Variants in CFAP47 observed in about 807,000 individuals in gnomAD.
The protein encoded by CFAP47 is cilia- and flagella-associated protein 47.
Under a neutral mutation model 148.1 loss-of-function variants are expected in CFAP47, and 29 were observed. The ratio of observed to expected loss-of-function variants is 0.20; its 90% CI spans 0.15 to 0.27. The LOEUF (loss-of-function observed/expected upper bound fraction) is 0.27. Among genes scored for constraint, CFAP47 ranks in the 10% least tolerant of loss-of-function variants. The probability of loss-of-function intolerance (pLI) is 1.00; values close to 1 mark genes in which losing one functional copy is unlikely to be tolerated. For synonymous variants in CFAP47, 664 were observed against 577.3 expected, an observed-to-expected ratio of 1.15 and a Z score of -2.15; for missense variants, 1,872 against 1,697.5, an observed-to-expected ratio of 1.10 and a Z score of -1.81.
At chrX:36,381,947 A>G (rs1252571272) in intron 63 of CFAP47, among the ~76,000 whole-genome samples, 2 of 111,100 alleles carry the variant, frequency 1.8e-5, no homozygotes, top group African/African-American at 6.5e-5. Context: ...TGTTATAACT[A>G]GAGACATAAC....
At position 36,030,589 on chromosome X, in the gene CFAP47, G is replaced by A. The variant is rs146724187; in HGVS notation, c.3557-664G>A. Among the ~76,000 whole-genome samples the A allele has an allele frequency of 8.2e-3, 909 of 110,218 alleles. 14 individuals carry two copies. The highest frequency in any genetic ancestry group is 0.028 in the African/African-American group (857 of 30,494). Reference sequence around the variant, plus strand: ...AATTCCAGTGGCATAATAAAAACACGTGTAAGATACATACATTTTTAGGAT... The same window carrying A: ...AATTCCAGTGGCATAATAAAAACACATGTAAGATACATACATTTTTAGGAT... On this transcript the variant is annotated intron_variant, in intron 22 of 63. Transcript: ENST00000378653.
At chrX:36,122,787 C>T (rs1210965417) in intron 33 of CFAP47, among the ~76,000 whole-genome samples, 1 of 111,664 alleles carries the variant, frequency 9.0e-6, no homozygotes, top group Non-Finnish European at 1.9e-5. Flanking sequence ...CTGTGTTTCT[C>T]TGTGATTTGT....
At chrX:36,101,681 G>A (rs770636827) in intron 32 of CFAP47, among the ~76,000 whole-genome samples, 8 of 111,379 alleles carry the variant, frequency 7.2e-5, no homozygotes, top group African/African-American at 2.0e-4. Flanking sequence ...ACCATCAGGC[G>A]TCTCTAAATC....
At chrX:36,362,653 G>A (rs1453790417) in intron 61 of CFAP47, among the ~76,000 whole-genome samples, 3 of 111,841 alleles carry the variant, frequency 2.7e-5, no homozygotes, top group Admixed American at 1.9e-4. Flanking sequence ...ACGAGTCCAC[G>A]TGGCTTTTTG....
At chrX:36,226,260 A>T (rs782444764) in intron 45 of CFAP47, among the ~76,000 whole-genome samples, 22 of 111,485 alleles carry the variant, frequency 2.0e-4, no homozygotes, top group Admixed American at 1.0e-3. Flanking sequence ...TAAAGGGGAC[A>T]TGTCAAGGCA....
At chrX:36,077,200 TTTTTTTTTTTTTTTTTTTTTTTTG>T (rs1937879288) in intron 29 of CFAP47, among the ~76,000 whole-genome samples, 1 of 82,236 alleles carries the variant, frequency 1.2e-5, no homozygotes, top group Non-Finnish European at 2.3e-5. Context: ...TTTTTTTTTT[TTTTTTTTTTTTTTTTTTTTTTTTG>T]CTCAGGAGTC....
intron 33 of CFAP47, among the ~76,000 whole-genome samples, chrX:36,105,076 A>C (rs1169537193): frequency 1.8e-5 from 2 of 111,743 alleles, no homozygotes; most frequent in African/African-American, 3.2e-5. Context: ...AAAATTTCAC[A>C]TGTCATATGA....
chrX:36,350,356 G>A (rs1556017304), intron 59 of CFAP47, among the ~76,000 whole-genome samples: 3 of 111,081 alleles, frequency 2.7e-5, no homozygotes, highest in South Asian at 7.6e-4. Flanking sequence ...TGCAGATATC[G>A]GCTAAAATTA....
At chrX:36,218,157 AC>A (rs1387352857) in intron 45 of CFAP47, among the ~76,000 whole-genome samples, 4 of 112,398 alleles carry the variant, frequency 3.6e-5, no homozygotes, top group Admixed American at 1.9e-4. Flanking sequence ...TTAATACAGG[AC>A]AATTAGAGAA....
chrX:36,011,315 A>C (rs1937036327), intron 21 of CFAP47, among the ~76,000 whole-genome samples: 1 of 111,755 alleles, frequency 8.9e-6, no homozygotes, highest in Non-Finnish European at 1.9e-5. Context: ...TTTACTTACC[A>C]CTTGCACTTA....
At chrX:35,920,139 T>A in intron 1 of CFAP47, 91 bp downstream of exon 1, 1 of 1,005,274 alleles carries the variant, frequency 9.9e-7, no homozygotes, top group Non-Finnish European at 1.3e-6. Context: ...GTCATCTGGC[T>A]CCTGCCGGGA....
intron 26 of CFAP47, 77 bp from the exon 27 acceptor site, chrX:36,065,566 T>A: frequency 1.8e-6 from 1 of 544,498 alleles, no homozygotes. Context: ...ATTAAGGGCA[T>A]CTGGGATACT....
At chrX:36,249,420 GA>G (rs1231005861) in intron 48 of CFAP47, among the ~76,000 whole-genome samples, 2 of 110,031 alleles carry the variant, frequency 1.8e-5, no homozygotes, top group Non-Finnish European at 3.8e-5. Context: ...TGATAATTTG[GA>G]AAAAAACTGA....
intron 57 of CFAP47, among the ~76,000 whole-genome samples, chrX:36,320,541 A>ATTTTGTGTT (rs1941470409): frequency 1.8e-5 from 2 of 112,079 alleles, no homozygotes; most frequent in Non-Finnish European, 3.8e-5. Flanking sequence ...AATCAAAATA[A>ATTTTGTGTT]TTGCTTAATG....
At position 36,211,186 on chromosome X, in the gene CFAP47, G is replaced by A. The variant is rs186048274; in HGVS notation, c.6817+6076G>A. 6 of 246,643 alleles carry A rather than the reference G, an allele frequency of 2.4e-5. 1 individual carries two copies. The highest frequency in any genetic ancestry group is 2.3e-4 in the East Asian group (2 of 8,776). The allele number at this position is 246,643 out of a possible 1,213,427, so 20.3% of individuals were successfully genotyped here. Reference sequence around the variant, plus strand: ...TGCATTTTTTGTGCAAACTGCTCAGGAGGAGCACAAGAAGAAACAACTAGA... The same window carrying A: ...TGCATTTTTTGTGCAAACTGCTCAGAAGGAGCACAAGAAGAAACAACTAGA... On this transcript the variant is annotated intron_variant, in intron 45 of 63. Transcript: ENST00000378653.
At chrX:36,083,218 A>G (rs1000852236) in intron 29 of CFAP47, among the ~76,000 whole-genome samples, 6 of 110,469 alleles carry the variant, frequency 5.4e-5, no homozygotes, top group African/African-American at 2.0e-4. Flanking sequence ...ATAAATACAC[A>G]CACATGTGCA....
chrX:35,933,909 T>A (rs1935870020), intron 2 of CFAP47, among the ~76,000 whole-genome samples: 1 of 112,266 alleles, frequency 8.9e-6, no homozygotes, highest in Non-Finnish European at 1.9e-5. Context: ...TGCCCATTTT[T>A]AAATTTAACT....
chrX:35,984,191 ATGT>A (rs1364639385), intron 15 of CFAP47, among the ~76,000 whole-genome samples: 1 of 111,074 alleles, frequency 9.0e-6, no homozygotes, highest in Non-Finnish European at 1.9e-5. Context: ...CAATAATGGG[ATGT>A]TGTATGTTTC....
chrX:36,023,963 C>T (rs1411140511), intron 22 of CFAP47, among the ~76,000 whole-genome samples: 2 of 112,196 alleles, frequency 1.8e-5, no homozygotes, highest in East Asian at 2.8e-4. Flanking sequence ...CTGTTGCTGA[C>T]CTGGTACCTA....
Sources: allele counts gnomAD v4.1 joint callset (sites outside exome capture counted in the v4.1 genomes callset), GRCh38; gene constraint gnomAD v4.1.1; transcripts MANE v1.5; gene names NCBI Gene and HGNC (gene_info 2026-07-23, HGNC 2026-07-21).